ZFAND1: variants seen among roughly 807,000 people sequenced by gnomAD.
The protein encoded by ZFAND1 is zinc finger AN1-type containing 1.
A neutral mutation model predicts 38.5 loss-of-function variants in ZFAND1; 40 were observed. That is an observed-to-expected ratio of 1.04 (90% CI 0.81 to 1.35). ZFAND1 has a LOEUF of 1.35. ZFAND1 is among the 40% of genes most tolerant of loss of function. The pLI, the probability that ZFAND1 is intolerant of heterozygous loss-of-function variation, is 0.00. For missense variants in ZFAND1, 346 were observed against 316.3 expected, an observed-to-expected ratio of 1.09 and a Z score of -0.71; for synonymous variants, 117 against 103.6, an observed-to-expected ratio of 1.13 and a Z score of -0.78.
Position 81,718,169 on chromosome 8 carries a change from AAACTT to A in ZFAND1, c.98+8_98+12del, listed in dbSNP as rs761539779. The stretch of plus-strand genomic sequence containing the variant: ...AAAATTACTCCCAAATCCTGCATAA[AAACTT>A]AACTTACCAAAATATTCCTGAACAA... On this transcript the variant is annotated splice_region_variant and intron_variant, in intron 2 of 7. Coordinates refer to ENST00000220669, the MANE Select transcript of ZFAND1 (RefSeq NM_024699.3). 1.1e-5 allele frequency: 17 copies of A among 1,575,926 alleles called. No individual in the cohort carries two copies. The highest frequency in any genetic ancestry group is 1.5e-5 in the Non-Finnish European group (17 of 1,160,714).
intron 6 of ZFAND1, among the ~76,000 whole-genome samples, chr8:81,708,577 T>G (rs986390252): frequency 1.3e-5 from 2 of 152,072 alleles, no homozygotes; most frequent in African/African-American, 4.8e-5. Context: ...CAAACCCAAA[T>G]GCCTAAAAAA....
intron 6 of ZFAND1, among the ~76,000 whole-genome samples, chr8:81,710,881 G>C (rs1033041917): frequency 1.3e-5 from 2 of 152,110 alleles, no homozygotes; most frequent in Non-Finnish European, 2.9e-5. Context: ...ATTTTAACCT[G>C]AGAAAGTGAT....
rs1808260308 is a variant in ZFAND1, at chr8:81,715,035, T to C, written c.218A>G (p.Glu73Gly). 6.2e-7 allele frequency: 1 copy of C among 1,614,012 alleles called. No individual in the cohort carries two copies. Among genetic ancestry groups the C allele is most frequent in the African/African-American group, 1.3e-5 (1 of 74,926 alleles). Residue 73 changes from glutamate to glycine, a missense_variant, in exon 4 of 8, where the codon GAA becomes GGA. Physicochemically the swap from Glu to Gly is moderately conservative, Grantham distance 98 (BLOSUM62 -2). Transcript: ENST00000220669. ...ATAAGGACATATAACTGCCACAAGT[T>C]CTCTCTCAGCACAGTCTTTGAAAGA... The part of the protein sequence containing the change: ...PCSFKDCAER[E>G]LVAVICPYCE...
At chr8:81,713,582 C>G (rs1471544073) in intron 6 of ZFAND1, among the ~76,000 whole-genome samples, 1 of 151,938 alleles carries the variant, frequency 6.6e-6, no homozygotes, top group African/African-American at 2.4e-5. Context: ...TCTACATATA[C>G]ACAAGGATGG....
chr8:81,711,474 G>T (rs1025291869), intron 6 of ZFAND1, among the ~76,000 whole-genome samples: 5 of 152,048 alleles, frequency 3.3e-5, no homozygotes, highest in African/African-American at 1.2e-4. Context: ...GCTGGAAAAA[G>T]GATGTCAGAG....
intron 3 of ZFAND1, among the ~76,000 whole-genome samples, chr8:81,716,633 T>C (rs1400035388): frequency 6.6e-6 from 1 of 152,136 alleles, no homozygotes; most frequent in African/African-American, 2.4e-5. Flanking sequence ...AGGAGGACAT[T>C]AACTTACGTG....
At chr8:81,716,879 G>A (rs1407871598) in intron 3 of ZFAND1, among the ~76,000 whole-genome samples, 6 of 151,970 alleles carry the variant, frequency 3.9e-5, no homozygotes, top group East Asian at 1.9e-4. Context: ...CCCCGGAGGC[G>A]GAGGTTGCAG....
At chr8:81,703,612 G>A (rs6999658) in intron 6 of ZFAND1, among the ~76,000 whole-genome samples, 3 of 152,026 alleles carry the variant, frequency 2.0e-5, no homozygotes, top group African/African-American at 4.8e-5. Flanking sequence ...TACTAGAGAC[G>A]GGCTTTCACC....
chr8:81,713,830 T>C, intron 6 of ZFAND1, 88 bp downstream of exon 6: 1 of 1,284,238 alleles, frequency 7.8e-7, no homozygotes, highest in Non-Finnish European at 1.1e-6. Flanking sequence ...AGGTTTAGGT[T>C]AGTTGTTAAT....
chr8:81,721,282 C>T lies in ZFAND1; in HGVS notation c.-1G>A, dbSNP rs758200690. The T allele has an allele frequency of 6.5e-7, 1 of 1,548,650 alleles. No individual in the cohort carries two copies. The stretch of plus-strand genomic sequence containing the variant: ...GCTGCCCGATGTCCAACTCCGCCAT[C>T]TCTCCGGCGCCGTAAGGGGCGGGGC... On this transcript the variant is annotated 5_prime_UTR_variant, in exon 1 of 8. Coordinates refer to ENST00000220669, the MANE Select transcript of ZFAND1 (RefSeq NM_024699.3).
rs1293127487 is a variant in ZFAND1 at position 81,701,617 on chromosome 8, TA to T, written c.*1077del. ...TCCCTACATTTAGTGGGAACTCAAATAACTATGCTAATGAATGAAAGTACAA... is the reference window on the plus strand; with the variant it reads ...TCCCTACATTTAGTGGGAACTCAAATACTATGCTAATGAATGAAAGTACAA... On this transcript the variant is annotated 3_prime_UTR_variant, in exon 8 of 8. Coordinates refer to ENST00000220669, the MANE Select transcript of ZFAND1 (RefSeq NM_024699.3). 1 of 152,176 alleles carries T rather than the reference TA, an allele frequency of 6.6e-6. No homozygotes were observed. The highest frequency in any genetic ancestry group is 1.5e-5 in the Non-Finnish European group (1 of 68,008). 9.4% of individuals were successfully genotyped at this position (152,176 alleles called of 1,614,324 possible). A position where few individuals can be genotyped will look rare whatever the true frequency, so the allele number is the denominator to read the frequency against.
intron 6 of ZFAND1, among the ~76,000 whole-genome samples, chr8:81,709,594 T>C (rs1262825401): frequency 1.3e-5 from 2 of 152,122 alleles, no homozygotes; most frequent in Admixed American, 1.3e-4. Flanking sequence ...CTTACACATA[T>C]ACGTATATAC....
At chr8:81,705,275 C>T (rs1481041372) in intron 6 of ZFAND1, among the ~76,000 whole-genome samples, 2 of 152,038 alleles carry the variant, frequency 1.3e-5, no homozygotes, top group South Asian at 2.1e-4. Flanking sequence ...ACCTCCTATT[C>T]AAGATGAACA....
rs191628710 is a variant in ZFAND1 at position 81,716,246 on chromosome 8, C to G, written c.138+1003G>C. The stretch of plus-strand genomic sequence containing the variant: ...GTTAGAACACATTGAACATGGTGGG[C>G]TTAGCTTTCTCTCTTCCTCTTGGAA... On this transcript the variant is annotated intron_variant, in intron 3 of 7. Coordinates refer to ENST00000220669, the MANE Select transcript of ZFAND1 (RefSeq NM_024699.3). Among the ~76,000 whole-genome samples the G allele has an allele frequency of 2.6e-5, 4 of 152,312 alleles. No homozygotes were observed. In the East Asian group the frequency reaches 7.7e-4, roughly 29 times the overall value.
At chr8:81,715,182 A>G in intron 3 of ZFAND1, 68 bp from the exon 4 acceptor site, 1 of 1,543,906 alleles carries the variant, frequency 6.5e-7, no homozygotes. Flanking sequence ...GTCTTATTCT[A>G]GAAGGCAGTA....
chr8:81,706,646 GA>G (rs1356507174), intron 6 of ZFAND1, among the ~76,000 whole-genome samples: 3 of 151,834 alleles, frequency 2.0e-5, no homozygotes, highest in Non-Finnish European at 2.9e-5. Context: ...AATGTAGTAT[GA>G]AAAATGAAAT....
chr8:81,718,778 C>T (rs989665311), intron 1 of ZFAND1, among the ~76,000 whole-genome samples: 2 of 150,128 alleles, frequency 1.3e-5, no homozygotes, highest in East Asian at 1.9e-4. Context: ...TTTATATATA[C>T]ACCTATAAGA....
chr8:81,717,948 A>C (rs917501326), intron 2 of ZFAND1, among the ~76,000 whole-genome samples: 6 of 152,088 alleles, frequency 3.9e-5, no homozygotes, highest in Admixed American at 3.3e-4. Context: ...TTCTCCTTGT[A>C]ATTAAAAGAC....
At chr8:81,719,310 AACACACACACACACAC>A (rs71268018) in intron 1 of ZFAND1, among the ~76,000 whole-genome samples, 9 of 124,938 alleles carry the variant, frequency 7.2e-5, no homozygotes, top group East Asian at 6.8e-4. Flanking sequence ...CTCTACTGAA[AACACACACACACACAC>A]ACACACACAC....
Sources: allele counts gnomAD v4.1 joint callset (sites outside exome capture counted in the v4.1 genomes callset), GRCh38; gene constraint gnomAD v4.1.1; transcripts MANE v1.5; gene names NCBI Gene and HGNC (gene_info 2026-07-23, HGNC 2026-07-21).